The following LRMDA variants were observed in gnomAD, a reference collection of about 807,000 sequenced individuals.
The protein encoded by LRMDA is leucine rich melanocyte differentiation associated, also known as leucine-rich melanocyte differentiation-associated protein.
LRMDA carries 18 observed loss-of-function variants against 29.8 expected under a neutral mutation model. That is an observed-to-expected ratio of 0.60 (90% CI 0.42 to 0.90). The LOEUF is 0.90. LRMDA is among the 40% of genes least tolerant of loss of function. The pLI, the probability that LRMDA is intolerant of heterozygous loss-of-function variation, is 0.00. For synonymous variants in LRMDA, 125 were observed against 109.4 expected (o/e 1.14, Z -0.89); for missense variants, 273 against 273.9 (o/e 1.00, Z 0.02).
chr10:75,582,975 C>T (rs1047579199), intron 2 of LRMDA, among the ~76,000 whole-genome samples: 14 of 152,224 alleles, frequency 9.2e-5, no homozygotes, highest in African/African-American at 3.4e-4. Flanking sequence ...ATCACAAAAG[C>T]AACTGCTCCA....
intron 5 of LRMDA, among the ~76,000 whole-genome samples, chr10:76,293,233 G>A (rs930853046): frequency 2.0e-5 from 3 of 152,060 alleles, no homozygotes; most frequent in African/African-American, 2.4e-5. Context: ...TGCCCACCTC[G>A]GCCTCCCAAA....
chr10:76,414,110 A>T (rs970203802), intron 6 of LRMDA, among the ~76,000 whole-genome samples: 5 of 152,234 alleles, frequency 3.3e-5, no homozygotes, highest in Non-Finnish European at 7.3e-5. Context: ...TCTGCCATTG[A>T]CTAGCTATAT....
At chr10:75,563,092 G>A (rs1214380144) in intron 2 of LRMDA, among the ~76,000 whole-genome samples, 4 of 152,042 alleles carry the variant, frequency 2.6e-5, no homozygotes, top group South Asian at 2.1e-4. Flanking sequence ...GCTAGATTGG[G>A]GAAGTTCTCC....
intron 6 of LRMDA, among the ~76,000 whole-genome samples, chr10:76,418,427 T>G (rs1842040864): frequency 6.6e-6 from 1 of 151,948 alleles, no homozygotes; most frequent in African/African-American, 2.4e-5. Context: ...AATAGTATGG[T>G]AATATGATTT....
intron 6 of LRMDA, among the ~76,000 whole-genome samples, chr10:76,441,747 C>T (rs1436278798): frequency 6.6e-6 from 1 of 152,174 alleles, no homozygotes; most frequent in African/African-American, 2.4e-5. Context: ...CTTTCAAAGA[C>T]TCATTACACT....
intron 5 of LRMDA, among the ~76,000 whole-genome samples, chr10:76,300,648 C>G (rs1840469500): frequency 6.6e-6 from 1 of 152,238 alleles, no homozygotes; most frequent in South Asian, 2.1e-4. Context: ...GGACTCTCTT[C>G]TATGGGCATT....
At chr10:76,417,766 C>T (rs1432065511) in intron 6 of LRMDA, among the ~76,000 whole-genome samples, 2 of 152,120 alleles carry the variant, frequency 1.3e-5, no homozygotes, top group Non-Finnish European at 2.9e-5. Context: ...CATTTGTCTA[C>T]TCAAAGGTCA....
At chr10:75,514,874 A>G (rs1401946404) in intron 2 of LRMDA, among the ~76,000 whole-genome samples, 1 of 151,774 alleles carries the variant, frequency 6.6e-6, no homozygotes, top group Non-Finnish European at 1.5e-5. Flanking sequence ...ATACAAACAG[A>G]CTAAGACAGG....
At chr10:76,423,015 A>G (rs1026678516) in intron 6 of LRMDA, among the ~76,000 whole-genome samples, 5 of 152,228 alleles carry the variant, frequency 3.3e-5, no homozygotes, top group Non-Finnish European at 4.4e-5. Flanking sequence ...ATCCTATTTT[A>G]TCTAATAATG....
intron 5 of LRMDA, among the ~76,000 whole-genome samples, chr10:76,087,553 C>T (rs1448349272): frequency 6.6e-6 from 1 of 152,102 alleles, no homozygotes; most frequent in African/African-American, 2.4e-5. Context: ...TGGGGTCCCT[C>T]AAAGCCAGGT....
intron 2 of LRMDA, among the ~76,000 whole-genome samples, chr10:75,917,250 TCTC>T (rs1845949617): frequency 6.6e-6 from 1 of 152,154 alleles, no homozygotes; most frequent in Non-Finnish European, 1.5e-5. Flanking sequence ...ATGTGTGGCC[TCTC>T]CTCTGTCTCC....
intron 5 of LRMDA, among the ~76,000 whole-genome samples, chr10:76,133,263 A>T (rs1057098796): frequency 7.7e-6 from 1 of 130,460 alleles, no homozygotes; most frequent in Non-Finnish European, 1.6e-5. Context: ...GATTATATTT[A>T]TTTCGTGTGT....
rs550650600 is a variant in LRMDA, at chr10:75,527,841, G to A, written c.131+89347G>A. ...GGCACAATTTTGGCTGTAGTGCAGT[G>A]GGGGGATTTTGGCTTACTGCAGCCT... On this transcript the variant is annotated intron_variant, in intron 2 of 6. Transcript: ENST00000611255. Among the ~76,000 whole-genome samples, 4 of 150,954 alleles carry A rather than the reference G, an allele frequency of 2.6e-5. No homozygotes were observed. The South Asian group carries it at 8.3e-4, about 31-fold the overall frequency.
chr10:75,911,539 T>A (rs1296826683), intron 2 of LRMDA, among the ~76,000 whole-genome samples: 6 of 152,224 alleles, frequency 3.9e-5, no homozygotes, highest in African/African-American at 1.4e-4. Flanking sequence ...ACATCTTTGT[T>A]ACTGTCCTCA....
chr10:75,566,820 G>A (rs1458670565), intron 2 of LRMDA, among the ~76,000 whole-genome samples: 2 of 152,128 alleles, frequency 1.3e-5, no homozygotes, highest in East Asian at 3.9e-4. Flanking sequence ...GACATTGGCT[G>A]TCCTTCTGGA....
intron 2 of LRMDA, among the ~76,000 whole-genome samples, chr10:75,568,714 G>A (rs915339507): frequency 2.0e-5 from 3 of 152,172 alleles, no homozygotes; most frequent in Admixed American, 2.0e-4. Flanking sequence ...CCCCAGCTGG[G>A]TTTCTCCCAG....
intron 2 of LRMDA, among the ~76,000 whole-genome samples, chr10:75,839,409 A>G (rs1844496222): frequency 6.6e-6 from 1 of 152,198 alleles, no homozygotes; most frequent in Admixed American, 6.5e-5. Context: ...ATTCTGCTGA[A>G]TGCACTTCTT....
At chr10:76,187,209 A>T (rs12243088) in intron 5 of LRMDA, among the ~76,000 whole-genome samples, 17,724 of 152,210 alleles carry the variant, frequency 0.12, 1,576 homozygotes, top group African/African-American at 0.25. Flanking sequence ...GTGTATTTTT[A>T]TAGTGGTTTC....
chr10:76,321,734 C>G (rs1230738128), intron 5 of LRMDA, among the ~76,000 whole-genome samples: 1 of 152,238 alleles, frequency 6.6e-6, no homozygotes, highest in East Asian at 1.9e-4. Flanking sequence ...CACCTGAGGC[C>G]AGGAGTTGGA....
Sources: allele counts gnomAD v4.1 joint callset (sites outside exome capture counted in the v4.1 genomes callset), GRCh38; gene constraint gnomAD v4.1.1; transcripts MANE v1.5; gene names NCBI Gene and HGNC (gene_info 2026-07-23, HGNC 2026-07-21).